The following SHANK1 variants were observed in gnomAD, a reference collection of about 807,000 sequenced individuals.
SHANK1 encodes the protein SH3 and multiple ankyrin repeat domains 1.
SHANK1 carries 35 observed loss-of-function variants against 165.6 expected under a neutral mutation model. That is an observed-to-expected ratio of 0.21 (90% CI 0.16 to 0.28). The LOEUF (loss-of-function observed/expected upper bound fraction) is 0.28, where lower values mean the gene tolerates loss of function less well. SHANK1 is among the 10% of genes least tolerant of loss of function. SHANK1 has a pLI of 1.00. For synonymous variants in SHANK1, 1,428 were observed against 1,384.8 expected (o/e 1.03, Z -0.69); for missense variants, 2,681 against 3,036.4 (o/e 0.88, Z 2.75).
At position 50,703,620 on chromosome 19, in the gene SHANK1, G is replaced by A; in HGVS notation, c.1433C>T (p.Thr478Ile). Residue 478 changes from threonine to isoleucine, a missense_variant, in exon 11 of 24, where the codon ACC becomes ATC. Coordinates refer to ENST00000293441, the MANE Select transcript of SHANK1 (RefSeq NM_016148.5). ...SQGQSQPSAPTTKLSSGTLRS... is the reference protein window; with the variant it reads ...SQGQSQPSAPITKLSSGTLRS... ...GAGGGTCCCGCTGCTGAGCTTGGTG[G>A]TGGGGGCCGAGGGCTGCGACTGGCC... The A allele has an allele frequency of 6.4e-7, 1 of 1,555,648 alleles. No homozygotes were observed. The highest frequency in any genetic ancestry group is 1.2e-5 in the South Asian group (1 of 84,532).
In SHANK1 at chr19:50,662,565, G is replaced by A. The variant is rs573808764; in HGVS notation, c.5886C>T (p.Ala1962=). Residue 1962 remains alanine, a synonymous_variant, in exon 24 of 24, where the codon GCC becomes GCT. Transcript: ENST00000293441. This position sits in a 1 kb window ranked among gnomAD's most constrained non-coding sequence, Gnocchi z 7.7. ...GTGAGGTGGCCCCTGGGGCCGCAGC[G>A]GCTGTAGGGGAGACCCCTGTTCCGG... ...LPTGTGVSPT[A]AAAPGATSPS... is the part of the protein sequence containing the mutation. 545 of 1,562,464 alleles carry A rather than the reference G, an allele frequency of 3.5e-4. 3 individuals carry two copies. The highest frequency in any genetic ancestry group is 1.3e-3 in the Admixed American group (67 of 52,006).
Position 50,662,947 on chromosome 19 carries a change from A to C in SHANK1, c.5769-265T>G. ...ATGAAAGAAAAAGAGACATTAAGTG[A>C]TAATAATAATAATCGTCACCGCTTA... On this transcript the variant is annotated intron_variant, in intron 23 of 23. Transcript: ENST00000293441. This position sits in a 1 kb window ranked among gnomAD's most constrained non-coding sequence, Gnocchi z 7.7. 3 of 494,132 alleles carry C rather than the reference A, an allele frequency of 6.1e-6. No homozygotes were observed. Among genetic ancestry groups the C allele is most frequent in the Non-Finnish European group, 1.1e-5 (3 of 274,630 alleles). 30.6% of individuals were successfully genotyped at this position (494,132 alleles called of 1,614,324 possible). A position where few individuals can be genotyped will look rare whatever the true frequency, so the allele number is the denominator to read the frequency against.
In SHANK1 at chr19:50,697,233, G is replaced by C; in HGVS notation, c.1938-111C>G. 6.8e-7 allele frequency: 1 copy of C among 1,462,360 alleles called. No individual in the cohort carries two copies. Among genetic ancestry groups the C allele is most frequent in the Admixed American group, 1.7e-5 (1 of 59,446 alleles). The allele number at this position is 1,462,360 out of a possible 1,614,324, so 90.6% of individuals were successfully genotyped here. A position where few individuals can be genotyped will look rare whatever the true frequency, so the allele number is the denominator to read the frequency against. On this transcript the variant is annotated intron_variant, in intron 14 of 23. Transcript: ENST00000293441. The surrounding 1 kb of genome is among the most constrained non-coding windows in gnomAD (Gnocchi z 4.7). ...TGCACCCTCCCCACACCGGTGCATG[G>C]GACACACACATTCCCACTGCACATG...
chr19:50,677,547 T>G (rs963025445), intron 21 of SHANK1, among the ~76,000 whole-genome samples: 4 of 152,212 alleles, frequency 2.6e-5, no homozygotes, highest in African/African-American at 9.6e-5. Flanking sequence ...CTTTCAAATG[T>G]AAATTCTCTA....
intron 16 of SHANK1, 26 bp downstream of exon 16, chr19:50,689,171 C>T (rs1986461124): frequency 6.4e-7 from 1 of 1,572,154 alleles, no homozygotes; most frequent in Non-Finnish European, 8.7e-7. Context: ...AGCCCTTCTC[C>T]CATCCCCTCC....
At chr19:50,708,432 T>C (rs1406447513) in intron 8 of SHANK1, among the ~76,000 whole-genome samples, 7 of 152,078 alleles carry the variant, frequency 4.6e-5, no homozygotes, top group Non-Finnish European at 8.8e-5. Context: ...TTATCTCATG[T>C]CGTAGCCATG....
intron 21 of SHANK1, among the ~76,000 whole-genome samples, chr19:50,676,139 AT>A (rs11307439): frequency 0.34 from 51,143 of 148,552 alleles, 10,469 homozygotes; most frequent in Admixed American, 0.5. Flanking sequence ...CTCACCCCCA[AT>A]TTTTTTTTTT....
intron 8 of SHANK1, 146 bp from the exon 9 acceptor site, chr19:50,704,660 G>C (rs909876653): frequency 8.4e-6 from 6 of 714,056 alleles, no homozygotes; most frequent in Non-Finnish European, 1.4e-5. Flanking sequence ...CCACCTGCCA[G>C]GTACGGACCA....
At chr19:50,714,367 T>C in intron 4 of SHANK1, 77 bp from the exon 5 acceptor site, 1 of 1,266,428 alleles carries the variant, frequency 7.9e-7, no homozygotes, top group South Asian at 1.3e-5. Context: ...AGCAGCGACG[T>C]CCAGTGAAAA....
In SHANK1 at chr19:50,697,464, CT is replaced by C. The variant is rs530101698; in HGVS notation, c.1937+124del. On this transcript the variant is annotated intron_variant, in intron 14 of 23. Transcript: ENST00000293441. The surrounding 1 kb of genome is among the most constrained non-coding windows in gnomAD (Gnocchi z 4.7). ...AAGCTAATTCTGGCTTATCCCACCC[CT>C]GGATCAAACTTGAGAAGGAACAGAT... is the stretch of plus-strand genomic sequence containing the variant. The C allele has an allele frequency of 4.6e-4, 413 of 890,624 alleles. 5 individuals carry two copies. In the South Asian group the frequency reaches 5.2e-3, roughly 11 times the overall value. 55.2% of individuals were successfully genotyped at this position (890,624 alleles called of 1,614,324 possible).
At chr19:50,696,117 C>G (rs1010442780) in intron 15 of SHANK1, among the ~76,000 whole-genome samples, 19 of 152,146 alleles carry the variant, frequency 1.2e-4, no homozygotes, top group African/African-American at 4.1e-4. Context: ...AGCCCATTGA[C>G]AAGACAGAGT....
rs140567818 is a variant in SHANK1 at position 50,714,715 on chromosome 19, G to A, written c.532-425C>T. Among the ~76,000 whole-genome samples, 60 of 151,574 alleles carry A rather than the reference G, an allele frequency of 4.0e-4. 1 individual carries two copies. The highest frequency in any genetic ancestry group is 3.4e-3 in the Middle Eastern group (1 of 294). The stretch of plus-strand genomic sequence containing the variant: ...CAAAAAAAAAAAAAAAAAAAATCAG[G>A]GTGGTTGGGGGTGAAGTGTTAGTTG... On this transcript the variant is annotated intron_variant, in intron 4 of 23. Coordinates refer to ENST00000293441, the MANE Select transcript of SHANK1 (RefSeq NM_016148.5).
rs1181831338 is a variant in SHANK1 at position 50,688,853 on chromosome 19, G to A, written c.2163C>T (p.Phe721=). 1.2e-6 allele frequency: 2 copies of A among 1,606,044 alleles called. No homozygotes were observed. Among genetic ancestry groups the A allele is most frequent in the Admixed American group, 3.4e-5 (2 of 59,162 alleles). ...AWRAGLRMGD[F]LIEVNGQNVV... ...GGGGGCCTGGACTGACCTCGATGAGGAAGTCTCCCATTCGCAGTCCAGCTC... is the reference window on the plus strand; with the variant it reads ...GGGGGCCTGGACTGACCTCGATGAGAAAGTCTCCCATTCGCAGTCCAGCTC... Residue 721 remains phenylalanine, a synonymous_variant, in exon 17 of 24, where the codon TTC becomes TTT. Coordinates refer to ENST00000293441, the MANE Select transcript of SHANK1 (RefSeq NM_016148.5). The surrounding 1 kb of genome is among the most constrained non-coding windows in gnomAD (Gnocchi z 6.7).
In SHANK1 at chr19:50,667,263, G is replaced by A. The variant is rs1985565515; in HGVS notation, c.4697C>T (p.Pro1566Leu). ...GGAGAATTCCAGAGGCGGAGGCAGCGGTTCCACGAAAAGGAATTCGCCATC... is the reference window on the plus strand; with the variant it reads ...GGAGAATTCCAGAGGCGGAGGCAGCAGTTCCACGAAAAGGAATTCGCCATC... ...VEDGEFLFVE[P>L]LPPPLEFSNS... Residue 1566 changes from proline to leucine, a missense_variant, in exon 23 of 24, where the codon CCG (proline) becomes CTG (leucine). Pro to Leu is a moderately conservative substitution (Grantham distance 98, BLOSUM62 -3). Coordinates refer to ENST00000293441, the MANE Select transcript of SHANK1 (RefSeq NM_016148.5). The surrounding 1 kb of genome is among the most constrained non-coding windows in gnomAD (Gnocchi z 5.7). The A allele has an allele frequency of 3.1e-6, 5 of 1,596,086 alleles. No homozygotes were observed. Among genetic ancestry groups the A allele is most frequent in the Admixed American group, 1.7e-5 (1 of 59,576 alleles).
At chr19:50,703,161 C>T (rs1181796802) in intron 11 of SHANK1, among the ~76,000 whole-genome samples, 1 of 151,766 alleles carries the variant, frequency 6.6e-6, no homozygotes, top group Non-Finnish European at 1.5e-5. Flanking sequence ...TCTCTGTCCC[C>T]CTCAAGTCCC....
chr19:50,718,455 C>G lies in SHANK1; in HGVS notation c.-44+951G>C, dbSNP rs1026078704. Among the ~76,000 whole-genome samples the G allele has an allele frequency of 2.0e-5, 3 of 152,104 alleles. No homozygotes were observed. The highest frequency in any genetic ancestry group is 2.1e-4 in the South Asian group (1 of 4,824). ...GGGATGAAAGAAAAGCTGGCTAGGG[C>G]CCCCCGCGCGTACGGCTGCCCCAGC... On this transcript the variant is annotated intron_variant, in intron 1 of 23. Transcript: ENST00000293441. The surrounding 1 kb of genome is among the most constrained non-coding windows in gnomAD (Gnocchi z 5.1).
rs770574518 is a variant in SHANK1, at chr19:50,686,847, C to T, written c.2390-35G>A. 2.7e-5 allele frequency: 43 copies of T among 1,608,514 alleles called. No homozygotes were observed. The highest frequency in any genetic ancestry group is 6.7e-5 in the Admixed American group (4 of 59,702). On this transcript the variant is annotated intron_variant, in intron 19 of 23. Coordinates refer to ENST00000293441, the MANE Select transcript of SHANK1 (RefSeq NM_016148.5). The surrounding 1 kb of genome is among the most constrained non-coding windows in gnomAD (Gnocchi z 5.7). The stretch of plus-strand genomic sequence containing the variant: ...AAGAACACGGATGACGCCCAGGGAG[C>T]CCCCGGGGGCGGGGCGGAGCGGGCT...
chr19:50,697,817 G>A lies in SHANK1; in HGVS notation c.1861+26C>T, dbSNP rs776082097. 1.9e-6 allele frequency: 3 copies of A among 1,588,602 alleles called. No individual in the cohort carries two copies. The highest frequency in any genetic ancestry group is 3.3e-5 in the Admixed American group (2 of 59,876). ...GGACGTGGGAATCCTAGGGTCCATT[G>A]AACACTGCTGGGGGTTCCGCATTAC... On this transcript the variant is annotated intron_variant, in intron 13 of 23. Coordinates refer to ENST00000293441, the MANE Select transcript of SHANK1 (RefSeq NM_016148.5). The surrounding 1 kb of genome is among the most constrained non-coding windows in gnomAD (Gnocchi z 4.7).
chr19:50,689,061 C>A, intron 16 of SHANK1, 93 bp from the exon 17 acceptor site: 12 of 1,129,694 alleles, frequency 1.1e-5, no homozygotes, highest in Non-Finnish European at 1.2e-5. Context: ...GGAGGCCTCA[C>A]CGCAGCTGAG....
Sources: gnomAD v4.1 joint callset for allele counts (sites outside exome capture counted in the v4.1 genomes callset) on GRCh38, gnomAD v4.1.1 for gene constraint, Gnocchi (gnomAD v3.1) non-coding constraint, MANE v1.5 for transcripts, NCBI Gene and HGNC (gene_info 2026-07-23, HGNC 2026-07-21) for gene names.